The following CDH18 variants were observed in gnomAD, a reference collection of about 807,000 sequenced individuals.
The protein encoded by CDH18 is cadherin 18, also known as cadherin-18.
A neutral mutation model predicts 67.9 loss-of-function variants in CDH18; 31 were observed. The observed-to-expected ratio is 0.46, with a 90% CI of 0.34 to 0.62. CDH18 has a LOEUF of 0.62. CDH18 is among the 20% of genes least tolerant of loss of function. CDH18 has a pLI of 0.01. For synonymous variants in CDH18, 362 were observed against 347.2 expected, an observed-to-expected ratio of 1.04 and a Z score of -0.48; for missense variants, 890 against 975.5, an observed-to-expected ratio of 0.91 and a Z score of 1.17.
intron 3 of CDH18, among the ~76,000 whole-genome samples, chr5:19,787,459 A>T (rs971803443): frequency 6.6e-6 from 1 of 152,128 alleles, no homozygotes; most frequent in East Asian, 1.9e-4. Flanking sequence ...CAAAAAAAAA[A>T]AAATTGTTTA....
intron 2 of CDH18, among the ~76,000 whole-genome samples, chr5:20,159,965 T>G (rs866111610): frequency 6.6e-6 from 1 of 152,182 alleles, no homozygotes; most frequent in Non-Finnish European, 1.5e-5. Flanking sequence ...TAACCCATTA[T>G]CAGTGAGATA....
At chr5:19,691,052 G>C (rs942572260) in intron 5 of CDH18, among the ~76,000 whole-genome samples, 3 of 151,794 alleles carry the variant, frequency 2.0e-5, no homozygotes, top group African/African-American at 7.2e-5. Context: ...GAATCTAACA[G>C]TGCATTAGAA....
At chr5:20,427,904 A>G (rs1273408114) in intron 1 of CDH18, among the ~76,000 whole-genome samples, 1 of 151,114 alleles carries the variant, frequency 6.6e-6, no homozygotes, top group African/African-American at 2.5e-5. Flanking sequence ...AACATTATCA[A>G]ACTCTTTTTG....
intron 1 of CDH18, among the ~76,000 whole-genome samples, chr5:20,290,229 A>C (rs1747003786): frequency 6.6e-6 from 1 of 152,088 alleles, no homozygotes; most frequent in Admixed American, 6.6e-5. Context: ...GTCTCAATTT[A>C]AGTGTTTTAG....
At chr5:20,191,385 A>AT (rs1738526842) in intron 2 of CDH18, among the ~76,000 whole-genome samples, 1 of 151,738 alleles carries the variant, frequency 6.6e-6, no homozygotes, top group Non-Finnish European at 1.5e-5. Flanking sequence ...TATTTCTGTC[A>AT]TTTTTTCCTC....
chr5:19,966,465 A>G (rs1003362694), intron 2 of CDH18, among the ~76,000 whole-genome samples: 1 of 152,118 alleles, frequency 6.6e-6, no homozygotes, highest in African/African-American at 2.4e-5. Context: ...GTATATTCCA[A>G]CTGGATGTTA....
At chr5:20,483,278 A>T (rs927692322) in intron 1 of CDH18, among the ~76,000 whole-genome samples, 2 of 152,086 alleles carry the variant, frequency 1.3e-5, no homozygotes, top group Non-Finnish European at 2.9e-5. Context: ...AGGACACCAA[A>T]AAAGAAAAAG....
intron 1 of CDH18, among the ~76,000 whole-genome samples, chr5:20,257,486 A>G (rs1744338121): frequency 7.3e-6 from 1 of 137,112 alleles, no homozygotes; most frequent in Non-Finnish European, 1.6e-5. Flanking sequence ...CTATTGCTCT[A>G]TTGCTATCAC....
chr5:19,640,340 G>A (rs1753824300), intron 5 of CDH18, among the ~76,000 whole-genome samples: 1 of 152,144 alleles, frequency 6.6e-6, no homozygotes, highest in South Asian at 2.1e-4. Context: ...ATATGTGGGT[G>A]AGGAGTAAGT....
chr5:20,238,048 T>G (rs1206684688), intron 2 of CDH18, among the ~76,000 whole-genome samples: 1 of 151,938 alleles, frequency 6.6e-6, no homozygotes, highest in Admixed American at 6.6e-5. Context: ...AGACAATTAC[T>G]GGAAAATGGT....
At chr5:20,335,177 C>T (rs1461951083) in intron 1 of CDH18, among the ~76,000 whole-genome samples, 1 of 152,028 alleles carries the variant, frequency 6.6e-6, no homozygotes, top group East Asian at 1.9e-4. Context: ...CTGCTTGATG[C>T]TTCATCACTC....
At chr5:19,918,061 C>T (rs1792024679) in intron 2 of CDH18, among the ~76,000 whole-genome samples, 1 of 152,168 alleles carries the variant, frequency 6.6e-6, no homozygotes, top group South Asian at 2.1e-4. Context: ...TATTATAATT[C>T]TCCAAAAAAT....
At chr5:20,445,276 G>A (rs553291263) in intron 1 of CDH18, among the ~76,000 whole-genome samples, 2 of 152,082 alleles carry the variant, frequency 1.3e-5, no homozygotes, top group African/African-American at 4.8e-5. Context: ...TTGATTATCC[G>A]ATTTCTTAAA....
chr5:19,721,836 T>C (rs953507617), intron 4 of CDH18, among the ~76,000 whole-genome samples: 3 of 152,150 alleles, frequency 2.0e-5, no homozygotes, highest in African/African-American at 7.2e-5. Flanking sequence ...AGAGTTATGA[T>C]AAAGCTGTGT....
intron 1 of CDH18, chr5:20,304,146 C>T (rs1026822366): frequency 2.5e-6 from 4 of 1,577,118 alleles, no homozygotes; most frequent in South Asian, 2.2e-5. Flanking sequence ...GCATTCTTCT[C>T]GTCAATTGGT....
chr5:19,856,402 G>C (rs757333094), intron 2 of CDH18, among the ~76,000 whole-genome samples: 1 of 152,146 alleles, frequency 6.6e-6, no homozygotes, highest in Admixed American at 6.6e-5. Context: ...GAATATAAAA[G>C]ACTGGGCAGA....
intron 2 of CDH18, among the ~76,000 whole-genome samples, chr5:20,130,803 G>A (rs1452953025): frequency 6.6e-6 from 1 of 151,886 alleles, no homozygotes; most frequent in East Asian, 1.9e-4. Context: ...CCTTTTCAGA[G>A]CAGACTCATA....
intron 2 of CDH18, among the ~76,000 whole-genome samples, chr5:20,118,582 C>T (rs1748105941): frequency 6.6e-6 from 1 of 152,120 alleles, no homozygotes; most frequent in East Asian, 1.9e-4. Flanking sequence ...TGTATCTCTC[C>T]AGACTTACCA....
At chr5:19,919,246 CATTT>C in intron 2 of CDH18, among the ~76,000 whole-genome samples, 1 of 149,682 alleles carries the variant, frequency 6.7e-6, no homozygotes, top group African/African-American at 2.6e-5. Flanking sequence ...TCTGGCTGTT[CATTT>C]GTATCATCTA....
Sources: allele counts gnomAD v4.1 joint callset (sites outside exome capture counted in the v4.1 genomes callset), GRCh38; gene constraint gnomAD v4.1.1; transcripts MANE v1.5; gene names NCBI Gene and HGNC (gene_info 2026-07-23, HGNC 2026-07-21).